ACACA: variants seen among roughly 807,000 people sequenced by gnomAD.
The protein encoded by ACACA is acetyl-CoA carboxylase alpha, also known as acetyl-CoA carboxylase 1.
In ACACA, 103 loss-of-function variants were observed where a neutral mutation model predicts 296.1. The observed-to-expected ratio is 0.35, with a 90% CI of 0.30 to 0.41. ACACA has a LOEUF of 0.41. Among genes scored for constraint, ACACA ranks in the 10% least tolerant of loss-of-function variants. The probability of loss-of-function intolerance (pLI) is 1.00; values close to 1 mark genes in which losing one functional copy is unlikely to be tolerated. For synonymous variants in ACACA, 953 were observed against 1,038.6 expected (o/e 0.92, Z 1.58); for missense variants, 1,554 against 2,989.7 (o/e 0.52, Z 11.20).
chr17:37,244,516 T>C (rs781686632), intron 21 of ACACA, 72 bp downstream of exon 21: 2 of 1,567,004 alleles, frequency 1.3e-6, no homozygotes, highest in East Asian at 2.2e-5. Context: ...ACAATCATTA[T>C]GAGACTTGGA....
chr17:37,377,659 CAATAAATA>C (rs140365002), intron 1 of ACACA, among the ~76,000 whole-genome samples: 26,379 of 143,454 alleles, frequency 0.18, 2,564 homozygotes, highest in East Asian at 0.24. Context: ...GACTCCGTCT[CAATAAATA>C]AATAAATAAA....
intron 38 of ACACA, among the ~76,000 whole-genome samples, chr17:37,189,678 C>T (rs2077671200): frequency 6.6e-6 from 1 of 152,070 alleles, no homozygotes; most frequent in Non-Finnish European, 1.5e-5. Flanking sequence ...TGTACAGTGT[C>T]CATGCCATGT....
chr17:37,274,122 C>T, intron 9 of ACACA, 71 bp downstream of exon 9: 1 of 1,325,966 alleles, frequency 7.5e-7, no homozygotes, highest in Non-Finnish European at 1.1e-6. Context: ...ACGAGCCAGG[C>T]TCCCAATCTC....
intron 46 of ACACA, 26 bp from the exon 47 acceptor site, chr17:37,129,511 A>T (rs1258854435): frequency 6.2e-7 from 1 of 1,613,668 alleles, no homozygotes; most frequent in Non-Finnish European, 8.5e-7. Flanking sequence ...AAGAGAGCAC[A>T]GCAATCAGTG....
At chr17:37,380,898 G>GTT (rs201346814) in intron 1 of ACACA, among the ~76,000 whole-genome samples, 16 of 146,316 alleles carry the variant, frequency 1.1e-4, no homozygotes, top group African/African-American at 3.8e-4. Flanking sequence ...GCCTGGCCAG[G>GTT]TTTTTTTTTT....
At chr17:37,141,904 T>C (rs1270980425) in intron 45 of ACACA, among the ~76,000 whole-genome samples, 1 of 151,932 alleles carries the variant, frequency 6.6e-6, no homozygotes, top group Admixed American at 6.6e-5. Flanking sequence ...TTGGCCAGGC[T>C]GGTCTCAAAC....
At chr17:37,156,548 T>C (rs1216841743) in intron 42 of ACACA, among the ~76,000 whole-genome samples, 5 of 152,160 alleles carry the variant, frequency 3.3e-5, no homozygotes, top group African/African-American at 1.2e-4. Context: ...AGATTCAATA[T>C]TAAAATCAGA....
chr17:37,157,531 CTTTTTTT>C (rs397687787), intron 42 of ACACA, among the ~76,000 whole-genome samples: 7 of 90,484 alleles, frequency 7.7e-5, no homozygotes, highest in East Asian at 3.8e-4. Context: ...ATCATTCTAT[CTTTTTTT>C]TTTTTTTTTT....
At chr17:37,237,081 GTA>G (rs1226236850) in intron 24 of ACACA, among the ~76,000 whole-genome samples, 1 of 152,060 alleles carries the variant, frequency 6.6e-6, no homozygotes, top group African/African-American at 2.4e-5. Context: ...ACCAATGTAT[GTA>G]TAGCTTAATT....
At chr17:37,398,242 AAAAC>A (rs60802326) in intron 1 of ACACA, among the ~76,000 whole-genome samples, 28,052 of 135,994 alleles carry the variant, frequency 0.21, 3,395 homozygotes, top group Middle Eastern at 0.28. Flanking sequence ...AAAAAAAAAA[AAAAC>A]AGTTTGGCCT....
intron 3 of ACACA, among the ~76,000 whole-genome samples, chr17:37,305,676 C>T (rs1229963148): frequency 6.6e-6 from 1 of 152,192 alleles, no homozygotes; most frequent in Non-Finnish European, 1.5e-5. Flanking sequence ...TCACCCACTG[C>T]CAAGTGGTCA....
At chr17:37,141,749 T>C (rs1427983547) in intron 45 of ACACA, among the ~76,000 whole-genome samples, 1 of 151,922 alleles carries the variant, frequency 6.6e-6, no homozygotes, top group African/African-American at 2.4e-5. Flanking sequence ...TGGAGTGCAA[T>C]GGTGCAATCT....
intron 23 of ACACA, among the ~76,000 whole-genome samples, chr17:37,241,200 A>AAAATAAATAAAT (rs202208460): frequency 6.6e-6 from 1 of 151,262 alleles, no homozygotes; most frequent in Admixed American, 6.6e-5. Context: ...GTCTCCAAAA[A>AAAATAAATAAAT]AAATAAATAA....
chr17:37,280,451 C>A (rs1452046232), intron 5 of ACACA, among the ~76,000 whole-genome samples: 3 of 152,146 alleles, frequency 2.0e-5, no homozygotes, highest in African/African-American at 7.2e-5. Context: ...AAGTGATCCG[C>A]CTGCCTTGGC....
At chr17:37,238,384 CA>C (rs1192869522) in intron 24 of ACACA, among the ~76,000 whole-genome samples, 1 of 149,134 alleles carries the variant, frequency 6.7e-6, no homozygotes, top group Non-Finnish European at 1.5e-5. Flanking sequence ...CCTCCTCTAT[CA>C]TAAAATAAGT....
intron 5 of ACACA, 37 bp from the exon 6 acceptor site, chr17:37,278,042 T>A: frequency 6.6e-7 from 1 of 1,511,950 alleles, no homozygotes; most frequent in Non-Finnish European, 9.2e-7. Context: ...AACACATGAT[T>A]TTTTTTTCCA....
chr17:37,109,537 C>T (rs533829347), intron 52 of ACACA, among the ~76,000 whole-genome samples: 2 of 152,336 alleles, frequency 1.3e-5, no homozygotes, highest in South Asian at 4.1e-4. Flanking sequence ...TCACATTTAG[C>T]AGACTAAGGG....
chr17:37,094,572 AC>A (rs67691656), intron 54 of ACACA, among the ~76,000 whole-genome samples: 23,710 of 114,030 alleles, frequency 0.21, 1,883 homozygotes, highest in Admixed American at 0.33. Flanking sequence ...TTGAAGAACC[AC>A]CCCCCCCCCC....
At chr17:37,174,020 A>ATATATATATATATTTTTTTTT (rs552735515) in intron 41 of ACACA, among the ~76,000 whole-genome samples, 1 of 16,792 alleles carries the variant, frequency 6.0e-5, no homozygotes, top group African/African-American at 2.6e-4. Context: ...ATATATATAT[A>ATATATATATATATTTTTTTTT]TTTTTTTTTT....
Sources: gnomAD v4.1 joint callset for allele counts (sites outside exome capture counted in the v4.1 genomes callset) on GRCh38, gnomAD v4.1.1 for gene constraint, MANE v1.5 for transcripts, NCBI Gene and HGNC (gene_info 2026-07-23, HGNC 2026-07-21) for gene names.